The following TIAM1 variants were observed in gnomAD, a reference collection of about 807,000 sequenced individuals.
The protein encoded by TIAM1 is rho guanine nucleotide exchange factor TIAM1.
In TIAM1, 65 loss-of-function variants were observed where a neutral mutation model predicts 163.5. The observed-to-expected ratio is 0.40, with a 90% CI of 0.33 to 0.49. The LOEUF (loss-of-function observed/expected upper bound fraction) is 0.49. Ranked by LOEUF, TIAM1 falls within the 20% of genes least tolerant of loss-of-function variation. The pLI, the probability that TIAM1 is intolerant of heterozygous loss-of-function variation, is 0.77. For missense variants in TIAM1, 1,789 were observed against 2,044.7 expected, an observed-to-expected ratio of 0.87 and a Z score of 2.41; for synonymous variants, 833 against 810.1, an observed-to-expected ratio of 1.03 and a Z score of -0.48.
rs1396290520 is a variant in TIAM1 at position 31,221,912 on chromosome 21, T to C, written c.1995+1494A>G. 1.3e-4 allele frequency among the ~76,000 whole-genome samples: 20 copies of C among 152,178 alleles called. No homozygotes were observed. In the East Asian group the frequency reaches 3.7e-3, roughly 28 times the overall value. On this transcript the variant is annotated intron_variant, in intron 8 of 27. Coordinates refer to ENST00000541036, the MANE Select transcript of TIAM1 (RefSeq NM_001353694.2). ...AAGAAATAGATCTGGAGTCAAAAAC[T>C]GAAAACGTTTTGTAAGTTTATTCAA...
intron 22 of TIAM1, among the ~76,000 whole-genome samples, chr21:31,138,426 C>G (rs2082708011): frequency 6.6e-6 from 1 of 152,192 alleles, no homozygotes; most frequent in East Asian, 1.9e-4. Flanking sequence ...CCTGCTGTTA[C>G]CAGCAGATAC....
rs752793911 is a variant in TIAM1, at chr21:31,124,622, G to A, written c.4206C>T (p.Leu1402=). ...SILRDKHRRQ[L]LKTESLPSSQ... The stretch of plus-strand genomic sequence containing the variant: ...ATGAGGGAAGGCTCTCGGTTTTGAG[G>A]AGCTGTCTTCTGTGCTTATCACGCA... The change falls in exon 27 of 28, where the codon CTC becomes CTT. Residue 1402 remains leucine (L), a synonymous_variant. Transcript: ENST00000541036. 5.0e-6 allele frequency: 8 copies of A among 1,613,690 alleles called. No homozygotes were observed. The African/African-American group carries it at 1.1e-4, about 22-fold the overall frequency.
Position 31,141,366 on chromosome 21 carries a change from G to A in TIAM1, c.3614C>T (p.Ala1205Val), listed in dbSNP as rs754599475. 7.4e-6 allele frequency: 12 copies of A among 1,614,130 alleles called. No individual in the cohort carries two copies. Among genetic ancestry groups the A allele is most frequent in the East Asian group, 4.5e-5 (2 of 44,890 alleles). ...KYPLLLRELF[A>V]LTDAESEEHY... ...CTCCTCGCTCTCCGCATCGGTCAGG[G>A]CGAACAGCTCCCTGAGCAGAAGTGG... is the stretch of plus-strand genomic sequence containing the variant. Residue 1205 changes from alanine (A) to valine (V), a missense_variant, in exon 21 of 28, where the codon GCC becomes GTC. Ala to Val is a moderately conservative substitution (Grantham distance 64). This residue lies in a region of TIAM1 where 60 missense variants were observed against 132.6 expected (regional missense o/e 0.45). Transcript: ENST00000541036. The surrounding 1 kb of genome is among the most constrained non-coding windows in gnomAD (Gnocchi z 4.7).
intron 2 of TIAM1, among the ~76,000 whole-genome samples, chr21:31,356,481 G>A (rs1197834206): frequency 6.6e-6 from 1 of 152,158 alleles, no homozygotes; most frequent in Non-Finnish European, 1.5e-5. Context: ...CAAAGTGATG[G>A]TATTCTAAGG....
At chr21:31,184,639 C>A (rs546730259) in intron 14 of TIAM1, among the ~76,000 whole-genome samples, 4 of 152,178 alleles carry the variant, frequency 2.6e-5, no homozygotes, top group South Asian at 2.1e-4. Context: ...TTCCCCACCC[C>A]CGTGCCACGC....
intron 2 of TIAM1, among the ~76,000 whole-genome samples, chr21:31,284,281 T>G (rs910693235): frequency 2.6e-5 from 4 of 152,144 alleles, no homozygotes; most frequent in Non-Finnish European, 5.9e-5. Context: ...TATCAACACC[T>G]TGGTTTAGAA....
intron 2 of TIAM1, among the ~76,000 whole-genome samples, chr21:31,368,646 A>T (rs2076539363): frequency 6.6e-6 from 1 of 152,232 alleles, no homozygotes; most frequent in Non-Finnish European, 1.5e-5. Context: ...ATAGGCTGAC[A>T]AGACTTCAGA....
At chr21:31,272,739 T>C (rs112320115) in intron 3 of TIAM1, among the ~76,000 whole-genome samples, 87 of 152,294 alleles carry the variant, frequency 5.7e-4, no homozygotes, top group African/African-American at 1.8e-3. Flanking sequence ...AAAAGAAATA[T>C]AGTTGAATCC....
At chr21:31,220,147 G>T (rs1015205578) in intron 8 of TIAM1, among the ~76,000 whole-genome samples, 1 of 152,102 alleles carries the variant, frequency 6.6e-6, no homozygotes, top group African/African-American at 2.4e-5. Flanking sequence ...AAAATACGTC[G>T]ACATATATTA....
At chr21:31,123,785 T>G (rs2082084518) in intron 27 of TIAM1, among the ~76,000 whole-genome samples, 1 of 152,238 alleles carries the variant, frequency 6.6e-6, no homozygotes, top group South Asian at 2.1e-4. Flanking sequence ...ATTAAGTCCC[T>G]AAGTATTAAA....
chr21:31,398,551 GA>G (rs1297813473), intron 2 of TIAM1, among the ~76,000 whole-genome samples: 3 of 152,208 alleles, frequency 2.0e-5, no homozygotes, highest in African/African-American at 7.2e-5. Flanking sequence ...AGCACATAAA[GA>G]AATGGTGGAT....
chr21:31,191,016 C>G (rs2085533476), intron 13 of TIAM1, among the ~76,000 whole-genome samples: 2 of 152,158 alleles, frequency 1.3e-5, no homozygotes, highest in African/African-American at 4.8e-5. Context: ...AGCTTTTAAT[C>G]CAGAGGCAAT....
intron 2 of TIAM1, among the ~76,000 whole-genome samples, chr21:31,296,590 TGAA>T (rs978597103): frequency 1.3e-4 from 20 of 152,182 alleles, no homozygotes; most frequent in Non-Finnish European, 1.5e-5. Flanking sequence ...AATCCCTGGC[TGAA>T]GAAGAAACAA....
At chr21:31,341,777 T>C (rs747172120) in intron 1 of TIAM1, among the ~76,000 whole-genome samples, 9 of 152,214 alleles carry the variant, frequency 5.9e-5, no homozygotes, top group Admixed American at 3.3e-4. Flanking sequence ...AGTTGCTAAT[T>C]TTCAAAGGCT....
In TIAM1 at chr21:31,210,727, AAGAGAAAGAAGGAAGGAAGGG is replaced by A. The variant is rs1199441228; in HGVS notation, c.2218-533_2218-513del. Among the ~76,000 whole-genome samples, 72 of 109,328 alleles carry A rather than the reference AAGAGAAAGAAGGAAGGAAGGG, an allele frequency of 6.6e-4. 3 individuals are homozygous for A. The highest frequency in any genetic ancestry group is 1.8e-3 in the African/African-American group (40 of 21,752). 71.7% of individuals were successfully genotyped at this position (109,328 alleles called of 152,430 possible). A position where few individuals can be genotyped will look rare whatever the true frequency, so the allele number is the denominator to read the frequency against. ...AAAGAGAAAGAAAGAGAAAGAAAGA[AAGAGAAAGAAGGAAGGAAGGG>A]AGAAAGAAAGAAAGAAAGAAAGAAA... On this transcript the variant is annotated intron_variant, in intron 10 of 27. Transcript: ENST00000541036.
At chr21:31,283,335 C>T (rs1280973629) in intron 2 of TIAM1, among the ~76,000 whole-genome samples, 2 of 152,188 alleles carry the variant, frequency 1.3e-5, no homozygotes, top group African/African-American at 4.8e-5. Context: ...ACCAGACCCC[C>T]AAGGGCTGTG....
chr21:31,395,105 G>A lies in TIAM1; in HGVS notation c.-368-55683C>T, dbSNP rs1031209362. ...ATACAAACATTAGCCAGGCATGGTG[G>A]CGCGTGCCTGTAGTCCCAGCTACTT... is the stretch of plus-strand genomic sequence containing the variant. On this transcript the variant is annotated intron_variant, in intron 2 of 28. Coordinates refer to the TIAM1 transcript ENST00000286827. This position sits in a 1 kb window ranked among gnomAD's most constrained non-coding sequence, Gnocchi z 7.5. 2.6e-5 allele frequency among the ~76,000 whole-genome samples: 4 copies of A among 152,116 alleles called. No homozygotes were observed. Among genetic ancestry groups the A allele is most frequent in the African/African-American group, 7.2e-5 (3 of 41,422 alleles).
intron 2 of TIAM1, among the ~76,000 whole-genome samples, chr21:31,360,335 A>T (rs1277974553): frequency 6.6e-6 from 1 of 152,074 alleles, no homozygotes; most frequent in Non-Finnish European, 1.5e-5. Context: ...AAAGAAAAAA[A>T]TTTACTATAT....
chr21:31,143,298 C>T (rs2146282172), intron 20 of TIAM1, among the ~76,000 whole-genome samples: 1 of 152,204 alleles, frequency 6.6e-6, no homozygotes, highest in East Asian at 1.9e-4. Context: ...GAATATTCAT[C>T]TGGATGACTT....
Sources: allele counts gnomAD v4.1 joint callset (sites outside exome capture counted in the v4.1 genomes callset), GRCh38; gene constraint gnomAD v4.1.1; regional missense constraint gnomAD v4.1.1; non-coding constraint Gnocchi (gnomAD v3.1); transcripts MANE v1.5; gene names NCBI Gene and HGNC (gene_info 2026-07-23, HGNC 2026-07-21).